The following TNR variants were observed in gnomAD, a reference collection of about 807,000 sequenced individuals.
The protein encoded by TNR is tenascin-R.
Under a neutral mutation model 150.4 loss-of-function variants are expected in TNR, and 45 were observed. The observed-to-expected ratio is 0.30, with a 90% CI of 0.24 to 0.38. The LOEUF is 0.38. TNR is among the 10% of genes least tolerant of loss of function. The probability of loss-of-function intolerance (pLI) is 1.00; values close to 1 mark genes in which losing one functional copy is unlikely to be tolerated. For synonymous variants in TNR, 687 were observed against 678.4 expected, an observed-to-expected ratio of 1.01 and a Z score of -0.20; for missense variants, 1,544 against 1,759.1, an observed-to-expected ratio of 0.88 and a Z score of 2.19.
intron 9 of TNR, among the ~76,000 whole-genome samples, chr1:175,378,208 T>G (rs859420): frequency 5.9e-5 from 9 of 152,034 alleles, no homozygotes; most frequent in Admixed American, 5.9e-4. Context: ...AGAATAAACC[T>G]AAACTTTTCA....
chr1:175,663,612 TG>T (rs1665443961), intron 1 of TNR, among the ~76,000 whole-genome samples: 1 of 152,094 alleles, frequency 6.6e-6, no homozygotes, highest in Non-Finnish European at 1.5e-5. Context: ...AAAGCCTAAA[TG>T]GATGATTATG....
chr1:175,511,597 G>A (rs1262166222), intron 2 of TNR, among the ~76,000 whole-genome samples: 1 of 152,228 alleles, frequency 6.6e-6, no homozygotes, highest in Non-Finnish European at 1.5e-5. Flanking sequence ...TGACTCTCAT[G>A]ACTCAAGCAC....
At chr1:175,650,109 A>T (rs946008054) in intron 1 of TNR, among the ~76,000 whole-genome samples, 2 of 152,152 alleles carry the variant, frequency 1.3e-5, no homozygotes, top group Admixed American at 1.3e-4. Context: ...TGTGCTCTTC[A>T]TTTTGATATC....
chr1:175,707,310 A>G (rs1052386966), intron 1 of TNR, among the ~76,000 whole-genome samples: 1 of 152,146 alleles, frequency 6.6e-6, no homozygotes, highest in Admixed American at 6.5e-5. Context: ...GTGGATTCCT[A>G]TTCTATATCT....
chr1:175,624,549 G>A (rs2101867598), intron 1 of TNR, among the ~76,000 whole-genome samples: 1 of 152,282 alleles, frequency 6.6e-6, no homozygotes, highest in Non-Finnish European at 1.5e-5. Flanking sequence ...AGCAAGCCAA[G>A]AAATGCTAAG....
Position 175,599,586 on chromosome 1 carries a change from C to T in TNR, c.-164-71217G>A, listed in dbSNP as rs1663152711. On this transcript the variant is annotated intron_variant, in intron 1 of 22. Transcript: ENST00000367674. This position sits in a 1 kb window ranked among gnomAD's most constrained non-coding sequence, Gnocchi z 4.7. ...TGTCCCGCATCAGCGGTAATGGGGC[C>T]GGCCCACCCGGAGGCAGCCCGGAGC... is the stretch of plus-strand genomic sequence containing the variant. Among the ~76,000 whole-genome samples, 2 of 152,174 alleles carry T rather than the reference C, an allele frequency of 1.3e-5. No homozygotes were observed. The highest frequency in any genetic ancestry group is 4.8e-5 in the African/African-American group (2 of 41,460).
intron 2 of TNR, among the ~76,000 whole-genome samples, chr1:175,515,034 G>C (rs559566937): frequency 3.0e-4 from 45 of 152,264 alleles, no homozygotes; most frequent in African/African-American, 1.0e-3. Context: ...AACTCGTTCC[G>C]GGCCAAGTCT....
chr1:175,560,493 C>T (rs1049585467), intron 1 of TNR, among the ~76,000 whole-genome samples: 5 of 152,198 alleles, frequency 3.3e-5, no homozygotes, highest in Admixed American at 2.0e-4. Flanking sequence ...GCCATATTGG[C>T]GGTATTTAGC....
At chr1:175,607,655 A>G (rs879420360) in intron 1 of TNR, among the ~76,000 whole-genome samples, 11 of 152,236 alleles carry the variant, frequency 7.2e-5, no homozygotes, top group Admixed American at 5.2e-4. Context: ...GGACTCAGTA[A>G]ACATTATGTC....
intron 1 of TNR, among the ~76,000 whole-genome samples, chr1:175,637,968 C>T (rs906452050): frequency 1.3e-5 from 2 of 152,156 alleles, no homozygotes; most frequent in African/African-American, 4.8e-5. Context: ...TCCCCACCCC[C>T]ATCTCCAGTG....
intron 7 of TNR, among the ~76,000 whole-genome samples, chr1:175,388,449 C>T (rs1197533509): frequency 6.6e-6 from 1 of 152,232 alleles, no homozygotes; most frequent in Admixed American, 6.5e-5. Flanking sequence ...TAGAAGAAGG[C>T]AGCCTGAGTG....
intron 1 of TNR, among the ~76,000 whole-genome samples, chr1:175,549,684 G>C (rs1320424305): frequency 1.3e-5 from 2 of 152,198 alleles, no homozygotes; most frequent in Non-Finnish European, 2.9e-5. Flanking sequence ...CAATGCAAGA[G>C]AGGTTCTCTG....
At chr1:175,332,333 G>A (rs1372679463) in intron 20 of TNR, among the ~76,000 whole-genome samples, 2 of 152,176 alleles carry the variant, frequency 1.3e-5, no homozygotes, top group African/African-American at 4.8e-5. Flanking sequence ...TGAGTCTCCA[G>A]CCAAAACCAC....
At position 175,528,305 on chromosome 1, in the gene TNR, G is replaced by T. The variant is rs1224098930; in HGVS notation, c.-100C>A. 3.3e-5 allele frequency: 5 copies of T among 152,154 alleles called. No individual in the cohort carries two copies. The highest frequency in any genetic ancestry group is 3.3e-4 in the Admixed American group (5 of 15,276). 9.4% of individuals were successfully genotyped at this position (152,154 alleles called of 1,614,324 possible). On this transcript the variant is annotated 5_prime_UTR_variant, in exon 2 of 23. Coordinates refer to ENST00000367674, the MANE Select transcript of TNR (RefSeq NM_003285.3). The stretch of plus-strand genomic sequence containing the variant: ...GTGTCTTCGATGCTTTCTCTTTACT[G>T]CACTTTCTTTAATCCTAATTCCAAA...
chr1:175,364,867 T>C (rs1324438619), intron 12 of TNR, 143 bp downstream of exon 12: 36 of 1,044,282 alleles, frequency 3.4e-5, no homozygotes, highest in Admixed American at 1.5e-4. Flanking sequence ...GAAGTAGCTG[T>C]TTCAGAACAG....
At chr1:175,502,334 C>T (rs760805065) in intron 2 of TNR, among the ~76,000 whole-genome samples, 1 of 152,168 alleles carries the variant, frequency 6.6e-6, no homozygotes, top group Non-Finnish European at 1.5e-5. Context: ...CATTGAACCC[C>T]CATGCAGGGA....
At chr1:175,393,534 G>T (rs1034139950) in intron 6 of TNR, among the ~76,000 whole-genome samples, 2 of 152,182 alleles carry the variant, frequency 1.3e-5, no homozygotes, top group Admixed American at 6.5e-5. Context: ...GCTGGTGGCT[G>T]CTTCCCACAT....
intron 4 of TNR, among the ~76,000 whole-genome samples, chr1:175,402,875 A>C (rs6425346): frequency 0.2 from 30,688 of 151,970 alleles, 3,201 homozygotes; most frequent in Middle Eastern, 0.29. Flanking sequence ...TGTTACCACT[A>C]CCTTTTTCCT....
At position 175,647,435 on chromosome 1, in the gene TNR, C is replaced by CAAAAAAAAAAAAAA. The variant is rs397745737; in HGVS notation, c.-165+95777_-165+95790dup. ...AAAATACGCTTGTTACTATTCGGTGCAAAAAAAAAAAAAACCTCATTGTCT... is the reference window on the plus strand; with the variant it reads ...AAAATACGCTTGTTACTATTCGGTGCAAAAAAAAAAAAAAAAAAAAAAAAAAAACCTCATTGTCT... On this transcript the variant is annotated intron_variant, in intron 1 of 22. Transcript: ENST00000367674. Among the ~76,000 whole-genome samples the CAAAAAAAAAAAAAA allele has an allele frequency of 1.1e-3, 137 of 121,622 alleles. 2 individuals are homozygous for CAAAAAAAAAAAAAA. Among genetic ancestry groups the CAAAAAAAAAAAAAA allele is most frequent in the African/African-American group, 4.0e-3 (130 of 32,708 alleles). 79.8% of individuals were successfully genotyped at this position (121,622 alleles called of 152,430 possible). A position where few individuals can be genotyped will look rare whatever the true frequency, so the allele number is the denominator to read the frequency against.
Sources: allele counts gnomAD v4.1 joint callset (sites outside exome capture counted in the v4.1 genomes callset), GRCh38; gene constraint gnomAD v4.1.1; non-coding constraint Gnocchi (gnomAD v3.1); transcripts MANE v1.5; gene names NCBI Gene and HGNC (gene_info 2026-07-23, HGNC 2026-07-21).